The following ZMAT4 variants were observed in gnomAD, a reference collection of about 807,000 sequenced individuals.
The protein encoded by ZMAT4 is zinc finger matrin-type 4, also known as zinc finger matrin-type protein 4.
In ZMAT4, 17 loss-of-function variants were observed where a neutral mutation model predicts 28.7. The observed-to-expected ratio is 0.59, with a 90% CI of 0.41 to 0.89. ZMAT4 has a LOEUF of 0.89. ZMAT4 is among the 40% of genes least tolerant of loss of function. The pLI, the probability that ZMAT4 is intolerant of heterozygous loss-of-function variation, is 0.00. For missense variants in ZMAT4, 240 were observed against 283.8 expected, an observed-to-expected ratio of 0.85 and a Z score of 1.11; for synonymous variants, 117 against 109.2, an observed-to-expected ratio of 1.07 and a Z score of -0.44.
Position 40,814,005 on chromosome 8 carries a change from G to A in ZMAT4, c.102+11570C>T, listed in dbSNP as rs538331368. Among the ~76,000 whole-genome samples the A allele has an allele frequency of 9.8e-5, 15 of 152,330 alleles. No homozygotes were observed. The East Asian group carries it at 2.7e-3, about 27-fold the overall frequency. Reference sequence around the variant, plus strand: ...GTGATCCCAGAGGTCGGGGAGCAGGGGGCTGGGGACGGGGTGGAGAGGAGT... The same window carrying A: ...GTGATCCCAGAGGTCGGGGAGCAGGAGGCTGGGGACGGGGTGGAGAGGAGT... On this transcript the variant is annotated intron_variant, in intron 2 of 6. Coordinates refer to ENST00000297737, the MANE Select transcript of ZMAT4 (RefSeq NM_024645.3).
chr8:40,537,348 A>G (rs1585655451), intron 6 of ZMAT4, among the ~76,000 whole-genome samples: 2 of 152,336 alleles, frequency 1.3e-5, no homozygotes, highest in South Asian at 4.1e-4. Flanking sequence ...AAATGTTTTA[A>G]CCCATGGAAT....
At chr8:40,645,770 T>C (rs1472770254) in intron 5 of ZMAT4, among the ~76,000 whole-genome samples, 2 of 152,114 alleles carry the variant, frequency 1.3e-5, no homozygotes, top group Non-Finnish European at 2.9e-5. Context: ...TCATATGAGA[T>C]ACAAATGCAT....
chr8:40,847,427 C>T (rs1011288603), intron 1 of ZMAT4, among the ~76,000 whole-genome samples: 1 of 152,204 alleles, frequency 6.6e-6, no homozygotes, highest in Non-Finnish European at 1.5e-5. Flanking sequence ...TTGTTCTTGC[C>T]TCCTTGCAAC....
intron 3 of ZMAT4, among the ~76,000 whole-genome samples, chr8:40,703,635 G>A (rs13262219): frequency 0.31 from 47,576 of 151,970 alleles, 9,209 homozygotes; most frequent in Middle Eastern, 0.53. Context: ...TTGCTAATGG[G>A]TAAAGAGTTT....
chr8:40,552,777 C>T (rs10958621), intron 6 of ZMAT4, among the ~76,000 whole-genome samples: 22,899 of 152,112 alleles, frequency 0.15, 1,955 homozygotes, highest in African/African-American at 0.22. Flanking sequence ...TTGACTATAG[C>T]GCAATGTAGT....
chr8:40,691,026 T>A, intron 4 of ZMAT4: 1 of 632,256 alleles, frequency 1.6e-6, no homozygotes, highest in Non-Finnish European at 2.0e-6. Flanking sequence ...GAGCCTTGGA[T>A]TTTGAAATGT....
At chr8:40,876,487 A>G (rs992704880) in intron 1 of ZMAT4, among the ~76,000 whole-genome samples, 2 of 151,596 alleles carry the variant, frequency 1.3e-5, no homozygotes, top group African/African-American at 2.4e-5. Flanking sequence ...TACTTTTTTA[A>G]AACATTTTTG....
chr8:40,689,450 G>C (rs1166254337), intron 4 of ZMAT4, among the ~76,000 whole-genome samples: 1 of 152,214 alleles, frequency 6.6e-6, no homozygotes, highest in Non-Finnish European at 1.5e-5. Flanking sequence ...ATGCCATGCA[G>C]TAATTTGCAC....
Position 40,571,379 on chromosome 8 carries a change from G to A in ZMAT4, c.674+9786C>T, listed in dbSNP as rs187089295. On this transcript the variant is annotated intron_variant, in intron 6 of 6. Transcript: ENST00000297737. ...TAGAGATACATATACAGTCTTTTTC[G>A]GCATCTCTGAAATTCTCTCTGAAAG... is the stretch of plus-strand genomic sequence containing the variant. 3.9e-5 allele frequency among the ~76,000 whole-genome samples: 6 copies of A among 152,112 alleles called. No homozygotes were observed. In the East Asian group the frequency reaches 9.7e-4, roughly 25 times the overall value.
At chr8:40,826,588 T>C (rs1816054052) in intron 1 of ZMAT4, among the ~76,000 whole-genome samples, 1 of 151,998 alleles carries the variant, frequency 6.6e-6, no homozygotes, top group East Asian at 1.9e-4. Context: ...ACTTAGAAAA[T>C]TAAAAAATAC....
intron 6 of ZMAT4, among the ~76,000 whole-genome samples, chr8:40,539,702 C>T (rs1206866813): frequency 6.6e-6 from 1 of 152,166 alleles, no homozygotes; most frequent in Non-Finnish European, 1.5e-5. Flanking sequence ...ATGCTTGTTT[C>T]CTTACTCTTA....
At chr8:40,712,521 C>T (rs867768706) in intron 3 of ZMAT4, among the ~76,000 whole-genome samples, 2 of 152,212 alleles carry the variant, frequency 1.3e-5, no homozygotes, top group African/African-American at 2.4e-5. Context: ...CATTGTTTCG[C>T]CATCTTTCTA....
intron 5 of ZMAT4, among the ~76,000 whole-genome samples, chr8:40,592,260 C>A (rs533871150): frequency 1.3e-5 from 2 of 152,152 alleles, no homozygotes; most frequent in Non-Finnish European, 2.9e-5. Context: ...GGGGCGCATC[C>A]AATCTTACAC....
chr8:40,819,579 C>T (rs1399329663), intron 2 of ZMAT4, among the ~76,000 whole-genome samples: 2 of 152,164 alleles, frequency 1.3e-5, no homozygotes, highest in African/African-American at 4.8e-5. Context: ...CAAAAACACT[C>T]AGCACATGGC....
chr8:40,765,498 A>T (rs140294454), intron 3 of ZMAT4, among the ~76,000 whole-genome samples: 21 of 152,356 alleles, frequency 1.4e-4, no homozygotes, highest in Admixed American at 6.5e-5. Flanking sequence ...TCAATAAATT[A>T]TAGAAAAATG....
intron 5 of ZMAT4, among the ~76,000 whole-genome samples, chr8:40,600,445 C>T (rs764339722): frequency 1.3e-5 from 2 of 152,218 alleles, no homozygotes; most frequent in African/African-American, 2.4e-5. Flanking sequence ...TGTGGCCAGG[C>T]TCCTGCCTGG....
At chr8:40,699,978 A>G (rs530831647) in intron 3 of ZMAT4, among the ~76,000 whole-genome samples, 1 of 152,240 alleles carries the variant, frequency 6.6e-6, no homozygotes, top group South Asian at 2.1e-4. Context: ...GGCCAGCATC[A>G]CCATACAAAA....
intron 1 of ZMAT4, among the ~76,000 whole-genome samples, chr8:40,885,398 C>T (rs532786399): frequency 5.3e-5 from 8 of 152,324 alleles, no homozygotes; most frequent in South Asian, 4.1e-4. Context: ...CCATCCGACC[C>T]GAGCCATCTC....
intron 5 of ZMAT4, among the ~76,000 whole-genome samples, chr8:40,585,343 C>T (rs1392586336): frequency 6.6e-6 from 1 of 152,074 alleles, no homozygotes; most frequent in African/African-American, 2.4e-5. Context: ...TTTTCTCAAG[C>T]AGTGACTCCC....
Sources: gnomAD v4.1 joint callset for allele counts (sites outside exome capture counted in the v4.1 genomes callset) on GRCh38, gnomAD v4.1.1 for gene constraint, MANE v1.5 for transcripts, NCBI Gene and HGNC (gene_info 2026-07-23, HGNC 2026-07-21) for gene names.